The following GC variants were observed in gnomAD, a reference collection of about 807,000 sequenced individuals.
GC encodes GC vitamin D binding protein.
In GC, 43 loss-of-function variants were observed where a neutral mutation model predicts 56.7. The observed-to-expected ratio is 0.76, with a 90% CI of 0.59 to 0.98. GC has a LOEUF of 0.98. Ranked by LOEUF, GC falls within the 50% of genes least tolerant of loss-of-function variation. GC has a pLI of 0.00. For synonymous variants in GC, 216 were observed against 202.7 expected (o/e 1.07, Z -0.56); for missense variants, 529 against 545.9 (o/e 0.97, Z 0.31).
chr4:71,784,776 C>A (rs1367561575), upstream of GC, among the ~76,000 whole-genome samples: 2 of 151,720 alleles, frequency 1.3e-5, no homozygotes, highest in African/African-American at 4.8e-5. Flanking sequence ...AAATCTTGGA[C>A]TCCCTACAGT....
chr4:71,784,298 T>A, upstream of GC: 12 of 1,131,008 alleles, frequency 1.1e-5, no homozygotes, highest in Non-Finnish European at 1.3e-5. Context: ...TTTGTCAAAC[T>A]GCAAAAGAGC....
At chr4:71,746,246 T>A (rs1483267124) in intron 11 of GC, 41 bp from the exon 12 acceptor site, 1 of 953,186 alleles carries the variant, frequency 1.0e-6, no homozygotes, top group Admixed American at 1.9e-5. Context: ...TATGAAGTAT[T>A]TCATTTGTAG....
intron 1 of GC, among the ~76,000 whole-genome samples, chr4:71,797,099 C>G (rs769416545): frequency 4.6e-5 from 7 of 152,234 alleles, no homozygotes; most frequent in Non-Finnish European, 7.3e-5. Context: ...AGATGTCTGT[C>G]AGCCCCTACT....
In GC at chr4:71,771,202, C is replaced by G. The variant is rs563657969; in HGVS notation, c.59-1802G>C. 9.2e-5 allele frequency among the ~76,000 whole-genome samples: 14 copies of G among 152,182 alleles called. 1 individual carries two copies. In the South Asian group the frequency reaches 1.7e-3, roughly 18 times the overall value. On this transcript the variant is annotated intron_variant, in intron 1 of 12. Transcript: ENST00000273951. ...TGGTAACTGCTGTCAGGCTTTAATC[C>G]CAAAGATTTCCTCTCCTCTCTAACA...
intron 8 of GC, among the ~76,000 whole-genome samples, chr4:71,755,926 C>T (rs1194314285): frequency 6.6e-6 from 1 of 152,206 alleles, no homozygotes; most frequent in Non-Finnish European, 1.5e-5. Context: ...GATATTTCAA[C>T]CTGCTGCTTC....
At chr4:71,760,934 G>A (rs1452268719) in intron 6 of GC, among the ~76,000 whole-genome samples, 1 of 152,158 alleles carries the variant, frequency 6.6e-6, no homozygotes, top group Non-Finnish European at 1.5e-5. Context: ...AAATTGCCCA[G>A]TCTCAGGTAT....
At chr4:71,761,815 C>T (rs1258026033) in intron 6 of GC, among the ~76,000 whole-genome samples, 4 of 152,112 alleles carry the variant, frequency 2.6e-5, no homozygotes, top group African/African-American at 9.7e-5. Context: ...TGCGGATGCA[C>T]AGAAGTCAAG....
rs764479835 is a variant in GC, at chr4:71,763,974, G to T, written c.474-38C>A. 3 of 1,545,066 alleles carry T rather than the reference G, an allele frequency of 1.9e-6. No homozygotes were observed. In the African/African-American group the frequency reaches 4.1e-5, roughly 21 times the overall value. On this transcript the variant is annotated intron_variant, in intron 4 of 12. Transcript: ENST00000273951. ...AAATAGAATTGGTCAAAAAATTTGT[G>T]AATAAACAAAATCTACTTTTTTATT...
intron 1 of GC, 194 bp from the exon 2 acceptor site, chr4:71,769,594 T>C (rs1006967453): frequency 2.3e-5 from 12 of 529,756 alleles, no homozygotes; most frequent in Non-Finnish European, 3.7e-5. Flanking sequence ...TGACATTCTG[T>C]TATATTTTAG....
Position 71,784,045 on chromosome 4 carries a change from C to T in GC, c.-27G>A. ...TTTCTACCAGAGAGTCTTGCAGCAC[C>T]TCCTCTCTCCTGTAGGTGACCATGT... On this transcript the variant is annotated 5_prime_UTR_variant, in exon 1 of 13. Coordinates refer to ENST00000273951, the MANE Select transcript of GC (RefSeq NM_000583.4). The T allele has an allele frequency of 1.3e-6, 2 of 1,598,092 alleles. No individual in the cohort carries two copies. Among genetic ancestry groups the T allele is most frequent in the Admixed American group, 1.7e-5 (1 of 58,730 alleles).
intron 4 of GC, among the ~76,000 whole-genome samples, chr4:71,765,090 T>C (rs1002060845): frequency 2.6e-5 from 4 of 152,216 alleles, no homozygotes; most frequent in Non-Finnish European, 5.9e-5. Context: ...ATAAAATTGC[T>C]TCTATCATAT....
At chr4:71,784,372 G>A (rs1022342032), upstream of GC, 14 of 981,230 alleles carry the variant, frequency 1.4e-5, no homozygotes, top group African/African-American at 8.7e-5. Context: ...TGTTAGTAAC[G>A]CACACCTTCT....
In GC at chr4:71,754,970, A is replaced by T. The variant is rs774292637; in HGVS notation, c.1164+8T>A. 4.5e-6 allele frequency: 7 copies of T among 1,559,804 alleles called. No individual in the cohort carries two copies. The highest frequency in any genetic ancestry group is 1.7e-4 in the Middle Eastern group (1 of 5,900). On this transcript the variant is annotated splice_region_variant and intron_variant, in intron 9 of 12. Coordinates refer to ENST00000273951, the MANE Select transcript of GC (RefSeq NM_000583.4). ...ATGTGCTTGATAAAGAAAATCCAACAAATATACCTTAGCATTAAAACAGGT... is the reference window on the plus strand; with the variant it reads ...ATGTGCTTGATAAAGAAAATCCAACTAATATACCTTAGCATTAAAACAGGT...
intron 11 of GC, among the ~76,000 whole-genome samples, chr4:71,750,922 G>A (rs1451529636): frequency 6.6e-6 from 1 of 151,798 alleles, no homozygotes; most frequent in African/African-American, 2.4e-5. Context: ...GGGTTTAAGG[G>A]CTTCTAATTC....
Position 71,756,807 on chromosome 4 carries a change from G to GT in GC, c.938dup (p.Tyr313Ter). 1.9e-6 allele frequency: 3 copies of GT among 1,613,298 alleles called. No homozygotes were observed. The highest frequency in any genetic ancestry group is 2.5e-6 in the Non-Finnish European group (3 of 1,179,290). ...KTAMDVFVCT[Y>*]FMPAAQLPEL... Reference sequence around the variant, plus strand: ...CGGGGAGTTGGGCAGCTGGCATGAAGTAAGTGCACACAAAAACGTCCATGG... The same window carrying GT: ...CGGGGAGTTGGGCAGCTGGCATGAAGTTAAGTGCACACAAAAACGTCCATGG... Residue 313 changes from tyrosine to a stop codon, truncating the protein, a stop_gained and frameshift_variant, in exon 8 of 13, where the codon TAC (tyrosine) becomes TAAC (stop). Transcript: ENST00000273951. LOFTEE classifies it high-confidence loss of function.
chr4:71,799,377 C>T (rs1743193995), intron 1 of GC, among the ~76,000 whole-genome samples: 1 of 152,156 alleles, frequency 6.6e-6, no homozygotes, highest in African/African-American at 2.4e-5. Context: ...GACAGCCTTT[C>T]TTCTCCTGCC....
upstream of GC, chr4:71,784,139 T>G: frequency 7.0e-7 from 1 of 1,420,906 alleles, no homozygotes; most frequent in Non-Finnish European, 9.2e-7. Context: ...AATCAATTAT[T>G]AATCTCAGAA....
chr4:71,744,209 G>A (rs531993484), intron 12 of GC, among the ~76,000 whole-genome samples: 6 of 151,154 alleles, frequency 4.0e-5, no homozygotes, highest in African/African-American at 1.5e-4. Flanking sequence ...TCAGGAGGCC[G>A]AGGCGGGCGG....
At chr4:71,749,307 G>A (rs1560689697) in intron 11 of GC, among the ~76,000 whole-genome samples, 2 of 152,292 alleles carry the variant, frequency 1.3e-5, no homozygotes, top group East Asian at 1.9e-4. Flanking sequence ...TCATTGTAAT[G>A]ATTTGAATGG....
Sources: allele counts gnomAD v4.1 joint callset (sites outside exome capture counted in the v4.1 genomes callset), GRCh38; gene constraint gnomAD v4.1.1; transcripts MANE v1.5; gene names NCBI Gene and HGNC (gene_info 2026-07-23, HGNC 2026-07-21).